Variants in DNMT1 observed in about 807,000 individuals in gnomAD.
DNMT1 encodes DNA (cytosine-5)-methyltransferase 1.
In DNMT1, 24 loss-of-function variants were observed where a neutral mutation model predicts 205.3. That is an observed-to-expected ratio of 0.12 (90% CI 0.08 to 0.16). DNMT1 has a LOEUF of 0.16. Ranked by LOEUF, DNMT1 falls within the 10% of genes least tolerant of loss-of-function variation. DNMT1 has a pLI of 1.00. For synonymous variants in DNMT1, 817 were observed against 839.8 expected, an observed-to-expected ratio of 0.97 and a Z score of 0.47; for missense variants, 1,293 against 2,177.7, an observed-to-expected ratio of 0.59 and a Z score of 8.09.
intron 1 of DNMT1, among the ~76,000 whole-genome samples, chr19:10,187,324 C>T (rs903896247): frequency 6.6e-6 from 1 of 152,066 alleles, no homozygotes; most frequent in Non-Finnish European, 1.5e-5. Context: ...CAGACCATGG[C>T]TGGGCGCAGT....
chr19:10,149,567 C>A lies in DNMT1; in HGVS notation c.2472G>T (p.Thr824=). The A allele has an allele frequency of 6.2e-7, 1 of 1,613,976 alleles. No individual in the cohort carries two copies. Among genetic ancestry groups the A allele is most frequent in the Non-Finnish European group, 8.5e-7 (1 of 1,180,006 alleles). The change falls in exon 26 of 41, where the codon ACG becomes ACT. Residue 824 remains threonine (T), a synonymous_variant. Coordinates refer to ENST00000359526, the MANE Select transcript of DNMT1 (RefSeq NM_001130823.3). Reference sequence around the variant, plus strand: ...CCAAGAACAGCTCCAGAGGGTCCGACGTGGCCCCGAGGACTGTGTCTGTCC... The same window carrying A: ...CCAAGAACAGCTCCAGAGGGTCCGAAGTGGCCCCGAGGACTGTGTCTGTCC... ...CAGTDTVLGA[T]SDPLELFLVD...
chr19:10,138,357 C>G lies in DNMT1; in HGVS notation c.4115+82G>C. The G allele has an allele frequency of 1.2e-6, 2 of 1,602,968 alleles. No homozygotes were observed. Among genetic ancestry groups the G allele is most frequent in the East Asian group, 2.2e-5 (1 of 44,834 alleles). On this transcript the variant is annotated intron_variant, in intron 35 of 40. Coordinates refer to ENST00000359526, the MANE Select transcript of DNMT1 (RefSeq NM_001130823.3). This position sits in a 1 kb window ranked among gnomAD's most constrained non-coding sequence, Gnocchi z 4.1. The stretch of plus-strand genomic sequence containing the variant: ...GCTGTACCATCCTCTCCTCCCCAAG[C>G]CTCACCAGGGAGTACTCACGGGCCC...
At chr19:10,173,060 T>C in intron 9 of DNMT1, 30 bp downstream of exon 9, 1 of 1,613,392 alleles carries the variant, frequency 6.2e-7, no homozygotes, top group Non-Finnish European at 8.5e-7. Context: ...TAAGGGAGAA[T>C]TAACAAACTT....
At position 10,177,341 on chromosome 19, in the gene DNMT1, T is replaced by G. The variant is rs201319352; in HGVS notation, c.520A>C (p.Thr174Pro). The G allele has an allele frequency of 9.4e-5, 152 of 1,613,626 alleles. No homozygotes were observed. The highest frequency in any genetic ancestry group is 2.5e-5 in the Non-Finnish European group (29 of 1,179,982). ...RAEPSPSPRI[T>P]RKSTRQTTIT... ...GTGGTTTGCCTGGTGCTTTTCCTTG[T>G]AATCCTGGGGCTAGGTGAAGGTTCA... The change falls in exon 6 of 41, where the codon ACA becomes CCA. Residue 174 changes from threonine (T) to proline (P), a missense_variant. Around this residue, in one of 13 missense-constraint regions of DNMT1, gnomAD observed 394 missense variants for 451.6 expected, o/e 0.87. Coordinates refer to ENST00000359526, the MANE Select transcript of DNMT1 (RefSeq NM_001130823.3).
intron 37 of DNMT1, 149 bp downstream of exon 37, chr19:10,136,932 TACTA>T: frequency 9.4e-7 from 1 of 1,065,588 alleles, no homozygotes; most frequent in Non-Finnish European, 1.4e-6. Context: ...AGCCTGCTTT[TACTA>T]CTCAACATGG....
rs966440818 is a variant in DNMT1, at chr19:10,134,260, C to T, written c.4821G>A (p.Glu1607=). 4 of 1,614,204 alleles carry T rather than the reference C, an allele frequency of 2.5e-6. No homozygotes were observed. The highest frequency in any genetic ancestry group is 3.4e-6 in the Non-Finnish European group (4 of 1,180,056). ...CTTTGGCCAACATACAAAGCTTGAT[C>T]TCCAAGCCAATGGCTTTGGCCAGGG... ...PPPLAKAIGL[E]IKLCMLAKAR... is the part of the protein sequence containing the mutation. The change falls in exon 40 of 41, where the codon GAG becomes GAA. Residue 1607 remains glutamate, a synonymous_variant. Coordinates refer to ENST00000359526, the MANE Select transcript of DNMT1 (RefSeq NM_001130823.3).
chr19:10,182,775 T>C (rs752587694), intron 1 of DNMT1, among the ~76,000 whole-genome samples: 11 of 150,382 alleles, frequency 7.3e-5, no homozygotes, highest in Non-Finnish European at 1.6e-4. Context: ...GTTCAAGTGA[T>C]TCTCTCACCT....
At position 10,149,626 on chromosome 19, in the gene DNMT1, C is replaced by T; in HGVS notation, c.2413G>A (p.Gly805Arg). 2 of 1,613,952 alleles carry T rather than the reference C, an allele frequency of 1.2e-6. No homozygotes were observed. The highest frequency in any genetic ancestry group is 1.7e-6 in the Non-Finnish European group (2 of 1,180,044). ...AACCAGTGGGCGTGAAACATCTGCC[C>T]GTTGCTGCTGTCCTCCCACAGCGCC... ...VTALWEDSSN[G>R]QMFHAHWFCA... The change falls in exon 26 of 41, where the codon GGG becomes AGG. Residue 805 changes from glycine (G) to arginine (R), a missense_variant. By Grantham distance (125) the Gly-to-Arg change is moderately radical (BLOSUM62 -2). This residue lies in a region of DNMT1 where 197 missense variants were observed against 353.6 expected (regional missense o/e 0.56). Transcript: ENST00000359526.
intron 9 of DNMT1, among the ~76,000 whole-genome samples, chr19:10,172,802 G>C (rs992981309): frequency 6.6e-6 from 1 of 152,160 alleles, no homozygotes; most frequent in Non-Finnish European, 1.5e-5. Flanking sequence ...CTGGGTGACA[G>C]AGTGGGAGAC....
intron 28 of DNMT1, 54 bp from the exon 29 acceptor site, chr19:10,144,041 G>C: frequency 1.3e-6 from 2 of 1,568,702 alleles, no homozygotes; most frequent in Admixed American, 1.7e-5. Context: ...GCAGTGGTCA[G>C]TCAGGCATGA....
Position 10,154,256 on chromosome 19 carries a change from A to G in DNMT1, c.2019+37T>C, listed in dbSNP as rs748248959. 3.1e-6 allele frequency: 5 copies of G among 1,611,238 alleles called. No individual in the cohort carries two copies. The South Asian group carries it at 5.5e-5, about 18-fold the overall frequency. ...CTCAGATCAGGCCAGAGGCTGGGCC[A>G]CCTTAGGGGAGCGGGAGCACCCACA... On this transcript the variant is annotated intron_variant, in intron 22 of 40. Coordinates refer to ENST00000359526, the MANE Select transcript of DNMT1 (RefSeq NM_001130823.3). The surrounding 1 kb of genome is among the most constrained non-coding windows in gnomAD (Gnocchi z 6.3).
Position 10,137,743 on chromosome 19 carries a change from T to G in DNMT1, c.4293+89A>C. ...GAGGAGCCTGGGATCAGATTCCATG[T>G]CTCCCCTGAGTCTTGGGCAGGCTGA... On this transcript the variant is annotated intron_variant, in intron 36 of 40. Transcript: ENST00000359526. The surrounding 1 kb of genome is among the most constrained non-coding windows in gnomAD (Gnocchi z 6.4). 2 of 1,516,992 alleles carry G rather than the reference T, an allele frequency of 1.3e-6. No homozygotes were observed. Among genetic ancestry groups the G allele is most frequent in the South Asian group, 2.4e-5 (2 of 84,152 alleles). 94.0% of individuals were successfully genotyped at this position (1,516,992 alleles called of 1,614,324 possible).
rs1049894198 is a variant in DNMT1, at chr19:10,146,001, GTAT to G, written c.2894+347_2894+349del. Among the ~76,000 whole-genome samples, 1 of 151,924 alleles carries G rather than the reference GTAT, an allele frequency of 6.6e-6. No homozygotes were observed. The highest frequency in any genetic ancestry group is 1.5e-5 in the Non-Finnish European group (1 of 67,978). On this transcript the variant is annotated intron_variant, in intron 28 of 40. Transcript: ENST00000359526. The surrounding 1 kb of genome is among the most constrained non-coding windows in gnomAD (Gnocchi z 4.4). ...GCACCACCACACCCGGCTAATTTTT[GTAT>G]TTTTAGTAGAGACGAGGTTTCACCA...
At chr19:10,169,036 T>C (rs1359014039) in intron 9 of DNMT1, among the ~76,000 whole-genome samples, 2 of 152,158 alleles carry the variant, frequency 1.3e-5, no homozygotes, top group East Asian at 3.9e-4. Context: ...CAGGGTTTCA[T>C]CACGTTGGCC....
intron 13 of DNMT1, among the ~76,000 whole-genome samples, 198 bp from the exon 14 acceptor site, chr19:10,160,616 C>T (rs994536491): frequency 3.3e-5 from 5 of 152,280 alleles, no homozygotes; most frequent in Non-Finnish European, 7.4e-5. Context: ...ATAGTCAGGC[C>T]CAGCACAGTG....
chr19:10,140,508 T>TG lies in DNMT1; in HGVS notation c.3524-181_3524-180insC. The TG allele has an allele frequency of 1.0e-6, 1 of 982,078 alleles. No individual in the cohort carries two copies. The highest frequency in any genetic ancestry group is 2.3e-5 in the Admixed American group (1 of 44,296). 60.8% of individuals were successfully genotyped at this position (982,078 alleles called of 1,614,324 possible). A position where few individuals can be genotyped will look rare whatever the true frequency, so the allele number is the denominator to read the frequency against. On this transcript the variant is annotated intron_variant, in intron 32 of 40. Transcript: ENST00000359526. The surrounding 1 kb of genome is among the most constrained non-coding windows in gnomAD (Gnocchi z 8.4). The stretch of plus-strand genomic sequence containing the variant: ...CCTCAGCCTCCTGAGTAGCTGGGAC[T>TG]ACAGGCACACACCACCACGCCCAGC...
At position 10,137,827 on chromosome 19, in the gene DNMT1, A is replaced by G. The variant is rs199506146; in HGVS notation, c.4293+5T>C. The G allele has an allele frequency of 3.5e-5, 56 of 1,612,548 alleles. No homozygotes were observed. In the African/African-American group the frequency reaches 6.9e-4, roughly 20 times the overall value. On this transcript the variant is annotated splice_donor_5th_base_variant and intron_variant, in intron 36 of 40. Coordinates refer to ENST00000359526, the MANE Select transcript of DNMT1 (RefSeq NM_001130823.3). The surrounding 1 kb of genome is among the most constrained non-coding windows in gnomAD (Gnocchi z 6.4). ...GGAGGAGCCGCTCTGTCAGGGTGCC[A>G]TTACCTTACAGATGTGGTCCCTGAG...
chr19:10,167,662 G>T (rs1465703220), intron 10 of DNMT1, among the ~76,000 whole-genome samples: 1 of 152,224 alleles, frequency 6.6e-6, no homozygotes, highest in Admixed American at 6.5e-5. Context: ...CAGCCACCAA[G>T]CTGTAGACAA....
intron 11 of DNMT1, among the ~76,000 whole-genome samples, chr19:10,166,364 T>G (rs1345807807): frequency 2.6e-5 from 4 of 152,012 alleles, no homozygotes; most frequent in African/African-American, 9.7e-5. Flanking sequence ...CCCTCTCTAG[T>G]GTGAAAGACA....
Sources: allele counts gnomAD v4.1 joint callset (sites outside exome capture counted in the v4.1 genomes callset), GRCh38; gene constraint gnomAD v4.1.1; regional missense constraint gnomAD v4.1.1; non-coding constraint Gnocchi (gnomAD v3.1); transcripts MANE v1.5; gene names NCBI Gene and HGNC (gene_info 2026-07-23, HGNC 2026-07-21).